Variants in GALNT17 observed in about 807,000 individuals in gnomAD.
GALNT17 encodes UDP-GalNAc:polypeptide N-acetylgalactosaminyltransferase-like 3.
Under a neutral mutation model 63.7 loss-of-function variants are expected in GALNT17, and 29 were observed. The ratio of observed to expected loss-of-function variants is 0.46; its 90% CI spans 0.34 to 0.62. The LOEUF is 0.62. GALNT17 is among the 20% of genes least tolerant of loss of function. The pLI, the probability that GALNT17 is intolerant of heterozygous loss-of-function variation, is 0.01. For synonymous variants in GALNT17, 305 were observed against 318.3 expected (o/e 0.96, Z 0.45); for missense variants, 603 against 799.6 (o/e 0.75, Z 2.97).
intron 2 of GALNT17, among the ~76,000 whole-genome samples, chr7:71,348,732 G>A (rs2116166659): frequency 6.6e-6 from 1 of 152,290 alleles, no homozygotes; most frequent in Middle Eastern, 3.4e-3. Flanking sequence ...TTTAAGTAAG[G>A]ATTGTAGACA....
chr7:71,572,216 A>C (rs73369265), intron 6 of GALNT17, among the ~76,000 whole-genome samples: 1,681 of 151,348 alleles, frequency 0.011, 32 homozygotes, highest in African/African-American at 0.039. Flanking sequence ...GTCTCTATGA[A>C]AAATAAAAAA....
At chr7:71,645,948 C>A (rs1790669531) in intron 6 of GALNT17, among the ~76,000 whole-genome samples, 1 of 152,092 alleles carries the variant, frequency 6.6e-6, no homozygotes, top group Non-Finnish European at 1.5e-5. Context: ...TTTGTCTTTC[C>A]CTGGCTTTAA....
chr7:71,658,855 T>A (rs921806641), intron 6 of GALNT17, among the ~76,000 whole-genome samples: 7 of 151,326 alleles, frequency 4.6e-5, no homozygotes, highest in Non-Finnish European at 7.4e-5. Context: ...GCCACTGCCC[T>A]CCAGCCTGGG....
intron 6 of GALNT17, among the ~76,000 whole-genome samples, chr7:71,585,296 A>G (rs1789698383): frequency 6.6e-6 from 1 of 152,170 alleles, no homozygotes; most frequent in South Asian, 2.1e-4. Context: ...ATTCATTATA[A>G]AGCTCCCCAT....
intron 1 of GALNT17, among the ~76,000 whole-genome samples, chr7:71,170,424 C>A (rs1231729320): frequency 6.6e-6 from 1 of 152,090 alleles, no homozygotes; most frequent in Non-Finnish European, 1.5e-5. Flanking sequence ...CAACCTCTGC[C>A]TCCCGGGTTC....
intron 5 of GALNT17, among the ~76,000 whole-genome samples, chr7:71,502,806 T>C (rs748940816): frequency 3.3e-5 from 5 of 152,174 alleles, no homozygotes; most frequent in Non-Finnish European, 5.9e-5. Flanking sequence ...TGTGAACAAA[T>C]ATATTGTTTT....
chr7:71,393,190 G>GTAATGC (rs1380626137), intron 3 of GALNT17, among the ~76,000 whole-genome samples: 2 of 152,104 alleles, frequency 1.3e-5, no homozygotes, highest in African/African-American at 4.8e-5. Flanking sequence ...TTACCATTAT[G>GTAATGC]TAATGCTCTC....
intron 9 of GALNT17, among the ~76,000 whole-genome samples, chr7:71,683,817 G>A (rs1031930264): frequency 1.3e-5 from 2 of 152,048 alleles, no homozygotes; most frequent in African/African-American, 4.8e-5. Context: ...AGACCAGCCT[G>A]GCCAACATGA....
At chr7:71,488,807 C>A (rs1263489514) in intron 5 of GALNT17, among the ~76,000 whole-genome samples, 1 of 148,096 alleles carries the variant, frequency 6.8e-6, no homozygotes, top group Non-Finnish European at 1.5e-5. Flanking sequence ...GTCTCGAATT[C>A]CTGGCCTCAA....
At chr7:71,336,171 G>C (rs765392822) in intron 2 of GALNT17, among the ~76,000 whole-genome samples, 1 of 151,080 alleles carries the variant, frequency 6.6e-6, no homozygotes, top group East Asian at 2.0e-4. Context: ...TCAGCCTCCC[G>C]AGTAGCTGGG....
At chr7:71,425,093 G>A (rs1319489588) in intron 5 of GALNT17, among the ~76,000 whole-genome samples, 1 of 152,144 alleles carries the variant, frequency 6.6e-6, no homozygotes, top group Non-Finnish European at 1.5e-5. Context: ...TAGCAAGTGG[G>A]CAAGTGCCAT....
intron 5 of GALNT17, among the ~76,000 whole-genome samples, chr7:71,512,266 A>G (rs1788369453): frequency 6.6e-6 from 1 of 152,014 alleles, no homozygotes; most frequent in Non-Finnish European, 1.5e-5. Flanking sequence ...CACTCCTCCC[A>G]AAGTGCTGGG....
chr7:71,458,018 C>T (rs1364336403), intron 5 of GALNT17, among the ~76,000 whole-genome samples: 1 of 152,120 alleles, frequency 6.6e-6, no homozygotes, highest in Admixed American at 6.6e-5. Flanking sequence ...TTTGAAGCCA[C>T]GCTGTGTTTC....
At chr7:71,259,640 T>TTTTG in intron 1 of GALNT17, among the ~76,000 whole-genome samples, 1 of 146,298 alleles carries the variant, frequency 6.8e-6, no homozygotes, top group East Asian at 2.0e-4. Context: ...TGTTTTTTGT[T>TTTTG]TTTTTGTTTT....
chr7:71,267,367 GTT>G (rs11297482), intron 1 of GALNT17, among the ~76,000 whole-genome samples: 42,315 of 146,344 alleles, frequency 0.29, 6,130 homozygotes, highest in East Asian at 0.53. Flanking sequence ...GGATTTTCTA[GTT>G]TTTTTTTTTT....
intron 5 of GALNT17, among the ~76,000 whole-genome samples, chr7:71,546,225 A>G (rs553058362): frequency 6.6e-6 from 1 of 151,572 alleles, no homozygotes; most frequent in African/African-American, 2.4e-5. Flanking sequence ...CAATGGCACA[A>G]TCATGGCTCA....
intron 5 of GALNT17, among the ~76,000 whole-genome samples, chr7:71,569,102 G>T (rs1774881796): frequency 6.6e-6 from 1 of 152,088 alleles, no homozygotes; most frequent in Non-Finnish European, 1.5e-5. Flanking sequence ...CTCCCGAGTA[G>T]CTGAGACTAA....
intron 6 of GALNT17, among the ~76,000 whole-genome samples, chr7:71,647,229 A>ATTTTTTTTTTTTTTTTTTTTTTTTTTTTT (rs5884850): frequency 7.3e-6 from 1 of 137,544 alleles, no homozygotes; most frequent in African/African-American, 3.1e-5. Context: ...GTGCCCAGCT[A>ATTTTTTTTTTTTTTTTTTTTTTTTTTTTT]TTTTTTTTTT....
rs1190509072 is a variant in GALNT17 at position 71,185,003 on chromosome 7, CT to C, written c.238+51965del. On this transcript the variant is annotated intron_variant, in intron 1 of 10. Transcript: ENST00000333538. ...TCCTTCCTTCCTTCCTTCCTTCTTC[CT>C]TCCCTCCCTCCCTCCTTCCTTCCTT... 3.7e-3 allele frequency among the ~76,000 whole-genome samples: 498 copies of C among 133,690 alleles called. 6 individuals carry two copies. The highest frequency in any genetic ancestry group is 0.015 in the African/African-American group (473 of 31,964). The allele number at this position is 133,690 out of a possible 152,430, so 87.7% of individuals were successfully genotyped here.
Sources: gnomAD v4.1 joint callset for allele counts (sites outside exome capture counted in the v4.1 genomes callset) on GRCh38, gnomAD v4.1.1 for gene constraint, MANE v1.5 for transcripts, NCBI Gene and HGNC (gene_info 2026-07-23, HGNC 2026-07-21) for gene names.